OXSR1: variants seen among roughly 807,000 people sequenced by gnomAD.
OXSR1 encodes serine/threonine-protein kinase OSR1.
In OXSR1, 24 loss-of-function variants were observed where a neutral mutation model predicts 79.8. The observed-to-expected ratio is 0.30, with a 90% confidence interval of 0.22 to 0.42. The LOEUF (loss-of-function observed/expected upper bound fraction) is 0.42. Among genes scored for constraint, OXSR1 ranks in the 10% least tolerant of loss-of-function variants. The pLI, the probability that OXSR1 is intolerant of heterozygous loss-of-function variation, is 1.00. For missense variants in OXSR1, 430 were observed against 618.4 expected (o/e 0.70, Z 3.23); for synonymous variants, 226 against 209.2 (o/e 1.08, Z -0.69).
chr3:38,189,135 T>C (rs377076395), intron 2 of OXSR1, among the ~76,000 whole-genome samples: 3 of 152,190 alleles, frequency 2.0e-5, no homozygotes, highest in South Asian at 4.1e-4. Flanking sequence ...CCCTATCCTA[T>C]AGAATTAAAC....
chr3:38,193,615 T>C (rs1348841516), intron 3 of OXSR1, among the ~76,000 whole-genome samples: 1 of 146,312 alleles, frequency 6.8e-6, no homozygotes. Flanking sequence ...CAGAACGACT[T>C]TTTTTTTTTT....
chr3:38,187,633 G>A (rs988666517), intron 2 of OXSR1, among the ~76,000 whole-genome samples: 1 of 152,194 alleles, frequency 6.6e-6, no homozygotes, highest in African/African-American at 2.4e-5. Flanking sequence ...GCTTCAGAAA[G>A]CTTGAGGTGG....
intron 4 of OXSR1, among the ~76,000 whole-genome samples, chr3:38,215,783 T>C (rs968746846): frequency 9.2e-5 from 14 of 152,182 alleles, no homozygotes; most frequent in African/African-American, 2.9e-4. Flanking sequence ...CATTGGGGTA[T>C]AGAAAAAAAT....
intron 4 of OXSR1, among the ~76,000 whole-genome samples, chr3:38,210,745 G>A (rs1326735134): frequency 1.3e-5 from 2 of 152,184 alleles, no homozygotes; most frequent in African/African-American, 4.8e-5. Context: ...TTTGGAGGCA[G>A]GTGTTTGCCC....
chr3:38,164,368 A>G (rs1460632691), upstream of OXSR1, among the ~76,000 whole-genome samples: 1 of 151,940 alleles, frequency 6.6e-6, no homozygotes, highest in Non-Finnish European at 1.5e-5. Context: ...ATGGTCTCGA[A>G]CTCCTGACCT....
intron 12 of OXSR1, among the ~76,000 whole-genome samples, chr3:38,244,798 T>C (rs1703107825): frequency 6.6e-6 from 1 of 152,172 alleles, no homozygotes; most frequent in African/African-American, 2.4e-5. Context: ...CTTTCAATTC[T>C]TTGGGGTGTA....
At chr3:38,237,483 T>C (rs899244734) in intron 11 of OXSR1, among the ~76,000 whole-genome samples, 14 of 152,322 alleles carry the variant, frequency 9.2e-5, no homozygotes, top group African/African-American at 3.4e-4. Context: ...GACTCATTCA[T>C]TCCTAAGACT....
intron 15 of OXSR1, among the ~76,000 whole-genome samples, chr3:38,250,642 A>G (rs963557974): frequency 1.3e-5 from 2 of 152,190 alleles, no homozygotes; most frequent in Non-Finnish European, 2.9e-5. Context: ...TGTTCTGTGT[A>G]TCATGCTTAT....
chr3:38,232,053 G>C (rs1393131719), intron 10 of OXSR1, among the ~76,000 whole-genome samples: 1 of 152,160 alleles, frequency 6.6e-6, no homozygotes. Context: ...GTTGCAGTGA[G>C]CTGAGATTGT....
intron 4 of OXSR1, among the ~76,000 whole-genome samples, chr3:38,206,231 A>G (rs930862935): frequency 3.3e-5 from 5 of 152,162 alleles, no homozygotes; most frequent in Non-Finnish European, 7.4e-5. Flanking sequence ...AGCTTATACA[A>G]TGGGTCTAGA....
chr3:38,205,989 C>T (rs577317830), intron 4 of OXSR1, among the ~76,000 whole-genome samples: 1 of 152,336 alleles, frequency 6.6e-6, no homozygotes, highest in South Asian at 2.1e-4. Flanking sequence ...CCCCACTCTT[C>T]ATGTGCATTT....
chr3:38,242,236 A>G (rs896016084), intron 11 of OXSR1, among the ~76,000 whole-genome samples: 1 of 152,158 alleles, frequency 6.6e-6, no homozygotes, highest in Non-Finnish European at 1.5e-5. Context: ...TTTAGATACC[A>G]GATTCCCAAA....
Position 38,254,521 on chromosome 3 carries a change from A to T in OXSR1, c.*1630A>T, listed in dbSNP as rs1215674685. The T allele has an allele frequency of 2.9e-6, 1 of 350,650 alleles. No individual in the cohort carries two copies. The highest frequency in any genetic ancestry group is 5.1e-6 in the Non-Finnish European group (1 of 195,842). 21.7% of individuals were successfully genotyped at this position (350,650 alleles called of 1,614,324 possible). On this transcript the variant is annotated 3_prime_UTR_variant, in exon 18 of 18. Coordinates refer to ENST00000311806, the MANE Select transcript of OXSR1 (RefSeq NM_005109.3). ...TCAACGTCCCAGCAGTCTTGGTAAA[A>T]GGAGGGAGCCTGCTGAGCCAGGAGG...
intron 3 of OXSR1, among the ~76,000 whole-genome samples, chr3:38,198,361 A>G (rs1321657849): frequency 6.6e-6 from 1 of 152,140 alleles, no homozygotes; most frequent in African/African-American, 2.4e-5. Flanking sequence ...AGCAGTGCAT[A>G]TTCTAATCTG....
chr3:38,165,775 G>A lies in OXSR1; in HGVS notation c.-102G>A. ...CTGTTCCGAGACGATTGGTGGGGGC[G>A]CGGCGGCGGCGGCGGCGGCTGTTGG... On this transcript the variant is annotated 5_prime_UTR_variant, in exon 1 of 18. Coordinates refer to ENST00000311806, the MANE Select transcript of OXSR1 (RefSeq NM_005109.3). The A allele has an allele frequency of 1.4e-6, 1 of 707,994 alleles. No homozygotes were observed. 43.9% of individuals were successfully genotyped at this position (707,994 alleles called of 1,614,324 possible). A position where few individuals can be genotyped will look rare whatever the true frequency, so the allele number is the denominator to read the frequency against.
chr3:38,175,144 G>T (rs1701654416), intron 1 of OXSR1, among the ~76,000 whole-genome samples: 1 of 152,152 alleles, frequency 6.6e-6, no homozygotes, highest in Non-Finnish European at 1.5e-5. Context: ...TTTCTTCAGT[G>T]AATGCAAAAC....
At chr3:38,215,214 TCA>T (rs771361340) in intron 4 of OXSR1, among the ~76,000 whole-genome samples, 17 of 152,216 alleles carry the variant, frequency 1.1e-4, no homozygotes, top group Non-Finnish European at 2.2e-4. Context: ...GCATTTCATG[TCA>T]CAACATGTTG....
chr3:38,230,654 A>G, intron 10 of OXSR1: 1 of 419,858 alleles, frequency 2.4e-6, no homozygotes, highest in East Asian at 4.5e-5. Flanking sequence ...GCTAGACAGT[A>G]ATTGGTAAAT....
chr3:38,170,003 A>G (rs1206629702), intron 1 of OXSR1, among the ~76,000 whole-genome samples: 1 of 151,484 alleles, frequency 6.6e-6, no homozygotes, highest in Non-Finnish European at 1.5e-5. Context: ...GAGTGCTAGG[A>G]TTACAGGCGT....
Sources: gnomAD v4.1 joint callset for allele counts (sites outside exome capture counted in the v4.1 genomes callset) on GRCh38, gnomAD v4.1.1 for gene constraint, MANE v1.5 for transcripts, NCBI Gene and HGNC (gene_info 2026-07-23, HGNC 2026-07-21) for gene names.